Variants in USH2A observed in about 807,000 individuals in gnomAD.
The protein encoded by USH2A is usherin.
USH2A carries 443 observed loss-of-function variants against 538.9 expected under a neutral mutation model. The observed-to-expected ratio is 0.82, with a 90% CI of 0.76 to 0.89. The LOEUF (loss-of-function observed/expected upper bound fraction) is 0.89. Among genes scored for constraint, USH2A ranks in the 40% least tolerant of loss-of-function variants. USH2A has a pLI of 0.00. For synonymous variants in USH2A, 2,413 were observed against 2,273.5 expected (o/e 1.06, Z -1.75); for missense variants, 6,633 against 6,324.8 (o/e 1.05, Z -1.65).
At chr1:216,377,807 A>G (rs865840723) in intron 3 of USH2A, among the ~76,000 whole-genome samples, 21 of 49,526 alleles carry the variant, frequency 4.2e-4, no homozygotes, top group South Asian at 1.1e-3. Context: ...GAAAGAAATA[A>G]AAAGAAAGAA....
At chr1:216,003,092 G>C (rs1026779796) in intron 32 of USH2A, among the ~76,000 whole-genome samples, 2 of 152,112 alleles carry the variant, frequency 1.3e-5, no homozygotes, top group South Asian at 4.1e-4. Flanking sequence ...GGAGTGGGAA[G>C]TGTCCGTTTC....
intron 59 of USH2A, among the ~76,000 whole-genome samples, chr1:215,742,082 T>G (rs1343396393): frequency 6.6e-6 from 1 of 152,180 alleles, no homozygotes; most frequent in Non-Finnish European, 1.5e-5. Context: ...TAAAATTATT[T>G]TCACGTTTAT....
chr1:215,816,191 T>C (rs1662853720), intron 48 of USH2A, among the ~76,000 whole-genome samples: 1 of 152,108 alleles, frequency 6.6e-6, no homozygotes, highest in Non-Finnish European at 1.5e-5. Context: ...TGTATTTAAA[T>C]ATGTGCATAC....
chr1:215,988,255 A>G (rs1001423641), intron 35 of USH2A, among the ~76,000 whole-genome samples: 3 of 151,940 alleles, frequency 2.0e-5, no homozygotes, highest in African/African-American at 7.2e-5. Flanking sequence ...ACTACTATAG[A>G]TAAACTCACG....
chr1:216,225,589 G>A lies in USH2A; in HGVS notation c.2993+6364C>T, dbSNP rs1408097288. Reference sequence around the variant, plus strand: ...TTTTAGAGAAGCTGCATTATATACAGTAGCTCTTGCTTTCCATAGCACTTT... The same window carrying A: ...TTTTAGAGAAGCTGCATTATATACAATAGCTCTTGCTTTCCATAGCACTTT... On this transcript the variant is annotated intron_variant, in intron 14 of 71. Coordinates refer to ENST00000307340, the MANE Select transcript of USH2A (RefSeq NM_206933.4). Among the ~76,000 whole-genome samples the A allele has an allele frequency of 3.3e-5, 5 of 152,148 alleles. No individual in the cohort carries two copies. The East Asian group carries it at 9.6e-4, about 29-fold the overall frequency.
At chr1:215,863,252 G>T (rs188442093) in intron 44 of USH2A, among the ~76,000 whole-genome samples, 1 of 152,226 alleles carries the variant, frequency 6.6e-6, no homozygotes, top group Non-Finnish European at 1.5e-5. Flanking sequence ...AAGAGAGACA[G>T]ATTACAACAG....
intron 38 of USH2A, among the ~76,000 whole-genome samples, chr1:215,926,209 G>GAAA (rs1666233309): frequency 3.5e-5 from 1 of 28,794 alleles, no homozygotes; most frequent in Admixed American, 3.8e-4. Flanking sequence ...TAGAGACCCT[G>GAAA]CAAAAAAAAA....
In USH2A at chr1:215,840,831, T is replaced by G. The variant is rs551690422; in HGVS notation, c.9259-2728A>C. 3.3e-5 allele frequency among the ~76,000 whole-genome samples: 5 copies of G among 152,290 alleles called. No individual in the cohort carries two copies. The South Asian group carries it at 6.2e-4, about 19-fold the overall frequency. Reference sequence around the variant, plus strand: ...CAATACGGCAAATCCTCCATCACCTTCCTGTGTTAGCCTTTTTTATATAGC... The same window carrying G: ...CAATACGGCAAATCCTCCATCACCTGCCTGTGTTAGCCTTTTTTATATAGC... On this transcript the variant is annotated intron_variant, in intron 46 of 71. Transcript: ENST00000307340.
intron 13 of USH2A, among the ~76,000 whole-genome samples, chr1:216,232,515 C>T (rs1351534422): frequency 1.3e-5 from 2 of 152,106 alleles, no homozygotes; most frequent in Non-Finnish European, 2.9e-5. Context: ...TATAGGAAGC[C>T]AGTTACATTT....
intron 66 of USH2A, 122 bp downstream of exon 66, chr1:215,648,406 C>T: frequency 9.7e-7 from 1 of 1,030,976 alleles, no homozygotes; most frequent in South Asian, 1.3e-5. Context: ...GCAAGTCCTC[C>T]CTGGGGAGTG....
chr1:216,165,898 TACAC>T (rs912554619), intron 21 of USH2A, among the ~76,000 whole-genome samples: 3 of 151,620 alleles, frequency 2.0e-5, no homozygotes, highest in Admixed American at 1.3e-4. Context: ...GAGATTTTGG[TACAC>T]ACATCACCTG....
Position 215,640,700 on chromosome 1 carries a change from G to T in USH2A, c.14826C>A (p.Ser4942Arg). 6.2e-7 allele frequency: 1 copy of T among 1,613,888 alleles called. No individual in the cohort carries two copies. The highest frequency in any genetic ancestry group is 8.5e-7 in the Non-Finnish European group (1 of 1,180,010). The change falls in exon 68 of 72, where the codon AGC (serine) becomes AGA (arginine). Residue 4942 changes from serine to arginine, a missense_variant. Ser to Arg is a moderately radical substitution (Grantham distance 110). Coordinates refer to ENST00000307340, the MANE Select transcript of USH2A (RefSeq NM_206933.4). Reference sequence around the variant, plus strand: ...AGTTCACACACACCACAGACAAATTGCTGTCCACCGAAAATGGGGCTCGGT... The same window carrying T: ...AGTTCACACACACCACAGACAAATTTCTGTCCACCGAAAATGGGGCTCGGT... ...PQYRAPFSVD[S>R]NLSVVCVNWS...
At chr1:215,805,383 A>C (rs1014840555) in intron 49 of USH2A, among the ~76,000 whole-genome samples, 1 of 152,128 alleles carries the variant, frequency 6.6e-6, no homozygotes, top group Admixed American at 6.6e-5. Context: ...GAGTAGTCAA[A>C]TTCATAGAGA....
chr1:216,283,338 C>A (rs1398110270), intron 11 of USH2A, among the ~76,000 whole-genome samples: 1 of 152,204 alleles, frequency 6.6e-6, no homozygotes, highest in African/African-American at 2.4e-5. Flanking sequence ...GATCCACCCG[C>A]CTCGGCTTCC....
intron 32 of USH2A, among the ~76,000 whole-genome samples, chr1:216,046,006 G>GGT (rs59426829): frequency 0.22 from 30,316 of 137,442 alleles, 3,516 homozygotes; most frequent in Middle Eastern, 0.32. Flanking sequence ...CTATTTATCT[G>GGT]GTGTGTGTGT....
intron 4 of USH2A, among the ~76,000 whole-genome samples, chr1:216,348,917 C>G (rs1433860110): frequency 1.3e-5 from 2 of 152,018 alleles, no homozygotes; most frequent in Admixed American, 1.3e-4. Context: ...TATTCTAATT[C>G]TGGGCACATA....
At chr1:216,151,922 T>C (rs960805826) in intron 21 of USH2A, among the ~76,000 whole-genome samples, 1 of 152,192 alleles carries the variant, frequency 6.6e-6, no homozygotes, top group Non-Finnish European at 1.5e-5. Flanking sequence ...GGACCTTGTA[T>C]CTTCCATTTA....
rs138148720 is a variant in USH2A at position 215,809,589 on chromosome 1, C to A, written c.9739+4147G>T. Among the ~76,000 whole-genome samples, 23 of 152,048 alleles carry A rather than the reference C, an allele frequency of 1.5e-4. 1 individual carries two copies. The highest frequency in any genetic ancestry group is 5.3e-4 in the African/African-American group (22 of 41,464). On this transcript the variant is annotated intron_variant, in intron 49 of 71. Coordinates refer to ENST00000307340, the MANE Select transcript of USH2A (RefSeq NM_206933.4). ...CCTCTCAAAATGAATCTATTTCAGG[C>A]CAGGCTTGAAAATGTTTTCTCTCTA... is the stretch of plus-strand genomic sequence containing the variant.
chr1:215,724,328 G>C (rs1659750001), intron 61 of USH2A, among the ~76,000 whole-genome samples: 1 of 151,950 alleles, frequency 6.6e-6, no homozygotes, highest in Non-Finnish European at 1.5e-5. Context: ...GATGGAACTA[G>C]AGGCCATTAT....
Sources: allele counts gnomAD v4.1 joint callset (sites outside exome capture counted in the v4.1 genomes callset), GRCh38; gene constraint gnomAD v4.1.1; transcripts MANE v1.5; gene names NCBI Gene and HGNC (gene_info 2026-07-23, HGNC 2026-07-21).